Variants in PECAM1 observed in about 807,000 individuals in gnomAD.
PECAM1 encodes the protein platelet and endothelial cell adhesion molecule 1, also known as platelet endothelial cell adhesion molecule.
Under a neutral mutation model 13.8 loss-of-function variants are expected in PECAM1, and 8 were observed. The ratio of observed to expected loss-of-function variants is 0.58; its 90% CI spans 0.34 to 1.05. The LOEUF (loss-of-function observed/expected upper bound fraction) is 1.05, where lower values mean the gene tolerates loss of function less well. PECAM1 is among the 50% of genes least tolerant of loss of function. PECAM1 has a pLI of 0.03. For missense variants in PECAM1, 304 were observed against 141.2 expected (o/e 2.15, Z -5.84); for synonymous variants, 136 against 52.6 (o/e 2.58, Z -6.86).
chr17:64,328,433 C>T (rs1598273574), intron 15 of PECAM1, among the ~76,000 whole-genome samples: 1 of 152,312 alleles, frequency 6.6e-6, no homozygotes, highest in East Asian at 1.9e-4. Flanking sequence ...TATTAGCCAT[C>T]CAGGTGACCC....
chr17:64,384,871 GTC>G (rs2036559897), intron 2 of PECAM1, among the ~76,000 whole-genome samples: 1 of 152,216 alleles, frequency 6.6e-6, no homozygotes, highest in South Asian at 2.1e-4. Context: ...AACTTCAAAA[GTC>G]TCTGCCTGAT....
chr17:64,352,332 T>G, intron 11 of PECAM1, 58 bp downstream of exon 11: 1 of 466,304 alleles, frequency 2.1e-6, no homozygotes, highest in East Asian at 3.1e-5. Flanking sequence ...CTGAGAGGGC[T>G]AAGGAAGTAT....
At chr17:64,347,918 A>G (rs2035620807) in intron 13 of PECAM1, among the ~76,000 whole-genome samples, 1 of 151,432 alleles carries the variant, frequency 6.6e-6, no homozygotes, top group African/African-American at 2.4e-5. Flanking sequence ...TTTAGTAGAG[A>G]TGGGGTTTTA....
rs1304623626 is a variant in PECAM1, at chr17:64,333,524, G to A, written c.2165-3802C>T. On this transcript the variant is annotated intron_variant, in intron 14 of 15. Transcript: ENST00000563924. ...AGCGGTATCCCTGGCCTCTCTCCAC[G>A]AGACGCAGTAGCATTCTCTTCTCTG... 2.0e-5 allele frequency among the ~76,000 whole-genome samples: 3 copies of A among 152,210 alleles called. No homozygotes were observed. In the East Asian group the frequency reaches 5.8e-4, roughly 29 times the overall value.
chr17:64,386,691 G>A (rs1290337423), intron 2 of PECAM1, among the ~76,000 whole-genome samples: 4 of 152,040 alleles, frequency 2.6e-5, no homozygotes, highest in African/African-American at 7.2e-5. Context: ...CAGCACTTTC[G>A]GAGGCCGAGG....
In PECAM1 at chr17:64,350,297, T is replaced by G. The variant is rs1426937583; in HGVS notation, c.2044+83A>C. The G allele has an allele frequency of 4.0e-5, 16 of 401,926 alleles. No individual in the cohort carries two copies. The East Asian group carries it at 5.8e-4, about 15-fold the overall frequency. The allele number at this position is 401,926 out of a possible 1,614,324, so 24.9% of individuals were successfully genotyped here. A position where few individuals can be genotyped will look rare whatever the true frequency, so the allele number is the denominator to read the frequency against. ...GAGGTGGGAAATTATCCACAGTCCT[T>G]CAAGTTTTAGTTTTCTTTTCCTATG... On this transcript the variant is annotated intron_variant, in intron 12 of 15. Coordinates refer to ENST00000563924, the MANE Select transcript of PECAM1 (RefSeq NM_000442.5).
chr17:64,329,719 G>C lies in PECAM1; in HGVS notation c.2168C>G (p.Ala723Gly), dbSNP rs1369366623. ...ACTTACAGAGTATCTGCTTTCCACG[G>C]CATCTACAAAACAAAGGATGACATG... ...YSEVRKAVPD[A>G]VESRYSRTEG... The change falls in exon 15 of 16, where the codon GCC becomes GGC. Residue 723 changes from alanine (A) to glycine (G), a missense_variant. Coordinates refer to ENST00000563924, the MANE Select transcript of PECAM1 (RefSeq NM_000442.5). 3.9e-6 allele frequency: 3 copies of C among 769,094 alleles called. No individual in the cohort carries two copies. The highest frequency in any genetic ancestry group is 7.3e-6 in the Non-Finnish European group (3 of 412,188). 47.6% of individuals were successfully genotyped at this position (769,094 alleles called of 1,614,324 possible). A position where few individuals can be genotyped will look rare whatever the true frequency, so the allele number is the denominator to read the frequency against.
At chr17:64,365,624 G>T (rs1280643708) in intron 5 of PECAM1, among the ~76,000 whole-genome samples, 3 of 152,102 alleles carry the variant, frequency 2.0e-5, no homozygotes, top group Non-Finnish European at 4.4e-5. Flanking sequence ...CCAAAACAGA[G>T]ATATAGATCA....
chr17:64,361,864 A>T (rs1256982415), intron 6 of PECAM1, among the ~76,000 whole-genome samples: 1 of 152,034 alleles, frequency 6.6e-6, no homozygotes, highest in Non-Finnish European at 1.5e-5. Context: ...TTTAAACCTT[A>T]TACAATGAGA....
chr17:64,379,594 G>C (rs953336333), intron 2 of PECAM1, among the ~76,000 whole-genome samples: 3 of 152,132 alleles, frequency 2.0e-5, no homozygotes, highest in Non-Finnish European at 4.4e-5. Flanking sequence ...ATATCTCAAA[G>C]CACTCACTAG....
rs894222155 is a variant in PECAM1, at chr17:64,323,015, A to G, written c.*801T>C. ...AGCCACCTTGCCTGCCCTGGCAAGG[A>G]ATACATTTTTAAAAATTAGTAAGAA... On this transcript the variant is annotated 3_prime_UTR_variant, in exon 16 of 16. Coordinates refer to ENST00000563924, the MANE Select transcript of PECAM1 (RefSeq NM_000442.5). 37 of 982,740 alleles carry G rather than the reference A, an allele frequency of 3.8e-5. No homozygotes were observed. The highest frequency in any genetic ancestry group is 3.7e-5 in the Non-Finnish European group (31 of 827,532). The allele number at this position is 982,740 out of a possible 1,614,324, so 60.9% of individuals were successfully genotyped here. A position where few individuals can be genotyped will look rare whatever the true frequency, so the allele number is the denominator to read the frequency against.
intron 15 of PECAM1, among the ~76,000 whole-genome samples, chr17:64,326,894 T>C (rs1172353604): frequency 6.6e-6 from 1 of 152,236 alleles, no homozygotes; most frequent in African/African-American, 2.4e-5. Flanking sequence ...CAACACACCC[T>C]GGGATCTCTA....
At chr17:64,377,641 G>GAAGGAAGGAAGGAAGGAA (rs1598050577) in intron 3 of PECAM1, 183 bp downstream of exon 3, 117 of 405,636 alleles carry the variant, frequency 2.9e-4, no homozygotes, top group Middle Eastern at 1.3e-3. Flanking sequence ...AGGAAGGAAG[G>GAAGGAAGGAAGGAAGGAA]GCCTGGCCTA....
chr17:64,384,370 G>T (rs2036548031), intron 2 of PECAM1, among the ~76,000 whole-genome samples: 1 of 152,096 alleles, frequency 6.6e-6, no homozygotes. Context: ...CACCTCCCTT[G>T]CTATAGAAGC....
intron 2 of PECAM1, among the ~76,000 whole-genome samples, chr17:64,385,918 G>T (rs2143912331): frequency 2.0e-5 from 3 of 152,334 alleles, no homozygotes; most frequent in Middle Eastern, 6.8e-3. Context: ...GGTCTGTCGT[G>T]CCAGAATGGA....
chr17:64,377,792 C>T (rs2036397175), intron 3 of PECAM1, 32 bp downstream of exon 3: 1 of 474,852 alleles, frequency 2.1e-6, no homozygotes, highest in South Asian at 6.8e-5. Context: ...TATGCTCCAT[C>T]TGCTTGCCTG....
At chr17:64,361,746 T>A in intron 6 of PECAM1, among the ~76,000 whole-genome samples, 2 of 41,930 alleles carry the variant, frequency 4.8e-5, no homozygotes, top group African/African-American at 1.5e-4. Context: ...AGAGCAAAAC[T>A]CCATCTCAAA....
chr17:64,360,259 G>A lies in PECAM1; in HGVS notation c.1373C>T (p.Ser458Leu), dbSNP rs2035942112. 1 of 475,240 alleles carries A rather than the reference G, an allele frequency of 2.1e-6. No homozygotes were observed. Among genetic ancestry groups the A allele is most frequent in the Non-Finnish European group, 3.9e-6 (1 of 259,050 alleles). The allele number at this position is 475,240 out of a possible 1,614,324, so 29.4% of individuals were successfully genotyped here. The change falls in exon 7 of 16, where the codon TCA becomes TTA. Residue 458 changes from serine (S) to leucine (L), a missense_variant. Coordinates refer to ENST00000563924, the MANE Select transcript of PECAM1 (RefSeq NM_000442.5). ...SKVLENSTKN[S>L]NDPAVFKDNP... ...GTCTTTGAATACCGCAGGATCATTTGAGTTCTTGGTACTATTCTCCAAAAC... is the reference window on the plus strand; with the variant it reads ...GTCTTTGAATACCGCAGGATCATTTAAGTTCTTGGTACTATTCTCCAAAAC...
chr17:64,358,878 C>G (rs1198035261), intron 7 of PECAM1, among the ~76,000 whole-genome samples: 1 of 151,754 alleles, frequency 6.6e-6, no homozygotes, highest in Admixed American at 6.6e-5. Flanking sequence ...CTCACTGCAG[C>G]CTCTGCCTCC....
Sources: gnomAD v4.1 joint callset for allele counts (sites outside exome capture counted in the v4.1 genomes callset) on GRCh38, gnomAD v4.1.1 for gene constraint, MANE v1.5 for transcripts, NCBI Gene and HGNC (gene_info 2026-07-23, HGNC 2026-07-21) for gene names.